The following OSBPL9 variants were observed in gnomAD, a reference collection of about 807,000 sequenced individuals.
OSBPL9 encodes the protein oxysterol binding protein like 9, also known as oxysterol-binding protein-related protein 9.
Under a neutral mutation model 106.6 loss-of-function variants are expected in OSBPL9, and 40 were observed. The ratio of observed to expected loss-of-function variants is 0.38; its 90% confidence interval spans 0.29 to 0.49. OSBPL9 has a LOEUF of 0.49. Among genes scored for constraint, OSBPL9 ranks in the 20% least tolerant of loss-of-function variants. OSBPL9 has a pLI of 0.97. For missense variants in OSBPL9, 609 were observed against 887.2 expected (o/e 0.69, Z 3.98); for synonymous variants, 269 against 295.4 (o/e 0.91, Z 0.92).
the OSBPL9 span, among the ~76,000 whole-genome samples, chr1:51,556,118 G>A: frequency 6.6e-6 from 1 of 151,904 alleles, no homozygotes; most frequent in Admixed American, 6.6e-5. Flanking sequence ...GTCCCTATAA[G>A]TAAAGTAGGG....
chr1:51,577,429 A>G (rs1438168926), intron 1 of OSBPL9, among the ~76,000 whole-genome samples: 1 of 143,742 alleles, frequency 7.0e-6, no homozygotes, highest in Non-Finnish European at 1.5e-5. Context: ...GCGTGCCACC[A>G]CGCCCGGCTA....
At chr1:51,734,104 T>C (rs991748733) in intron 4 of OSBPL9, among the ~76,000 whole-genome samples, 1 of 152,202 alleles carries the variant, frequency 6.6e-6, no homozygotes, top group Non-Finnish European at 1.5e-5. Context: ...AATATATGTG[T>C]CATGAATGAA....
chr1:51,546,485 C>G, the OSBPL9 span, among the ~76,000 whole-genome samples: 1 of 151,954 alleles, frequency 6.6e-6, no homozygotes, highest in Non-Finnish European at 1.5e-5. Context: ...ATCACGAGGT[C>G]AGGAGATCGA....
rs1192958280 is a variant in OSBPL9, at chr1:51,635,393, A to G, written c.112-16598A>G. ...GGAGGTCTCAGAAAAAGGTGTTTGC[A>G]CCTCGCTGTTACTCCACTAATGTAG... On this transcript the variant is annotated intron_variant, in intron 1 of 23. Transcript: ENST00000428468. Among the ~76,000 whole-genome samples the G allele has an allele frequency of 2.0e-5, 3 of 152,244 alleles. No homozygotes were observed. The East Asian group carries it at 5.8e-4, about 29-fold the overall frequency.
At chr1:51,682,316 C>A (rs1309930200) in intron 3 of OSBPL9, among the ~76,000 whole-genome samples, 1 of 152,134 alleles carries the variant, frequency 6.6e-6, no homozygotes, top group African/African-American at 2.4e-5. Flanking sequence ...CCTGCAGATA[C>A]AGAGGGCCAA....
At chr1:51,731,329 T>G (rs762275386) in intron 4 of OSBPL9, among the ~76,000 whole-genome samples, 6 of 152,008 alleles carry the variant, frequency 3.9e-5, no homozygotes, top group Non-Finnish European at 5.9e-5. Flanking sequence ...TGTGCACCTG[T>G]GTTCCCACCT....
chr1:51,668,314 C>T (rs1167598561), intron 2 of OSBPL9, among the ~76,000 whole-genome samples: 1 of 152,064 alleles, frequency 6.6e-6, no homozygotes, highest in East Asian at 1.9e-4. Flanking sequence ...TCACAGAATG[C>T]ATGTAGTTGA....
At chr1:51,550,811 GC>G in the OSBPL9 span, among the ~76,000 whole-genome samples, 1 of 152,096 alleles carries the variant, frequency 6.6e-6, no homozygotes, top group African/African-American at 2.4e-5. Flanking sequence ...ACTGTGCCTG[GC>G]CCCATACATT....
intron 4 of OSBPL9, among the ~76,000 whole-genome samples, chr1:51,740,762 A>G (rs764213637): frequency 1.1e-4 from 17 of 151,182 alleles, no homozygotes; most frequent in Admixed American, 3.9e-4. Flanking sequence ...TTCCTGTTCT[A>G]CCTTATTCTC....
At chr1:51,603,973 G>A (rs1397350743) in intron 2 of OSBPL9, among the ~76,000 whole-genome samples, 1 of 152,136 alleles carries the variant, frequency 6.6e-6, no homozygotes, top group East Asian at 1.9e-4. Context: ...TCCCAATGGA[G>A]GGGTGAGAAA....
chr1:51,711,792 C>G (rs1053068669), intron 3 of OSBPL9, among the ~76,000 whole-genome samples: 1 of 148,766 alleles, frequency 6.7e-6, no homozygotes, highest in South Asian at 2.1e-4. Context: ...GGGGCAGAGG[C>G]GCTCCCCACA....
chr1:51,783,354 T>TA (rs1676843564), intron 17 of OSBPL9, among the ~76,000 whole-genome samples: 2 of 146,528 alleles, frequency 1.4e-5, no homozygotes, highest in African/African-American at 4.9e-5. Context: ...TTCTTATTTT[T>TA]TTTTTTTTTT....
the OSBPL9 span, among the ~76,000 whole-genome samples, chr1:51,568,541 ATTTTCTTTTC>A: frequency 2.0e-5 from 3 of 151,956 alleles, no homozygotes; most frequent in Non-Finnish European, 1.5e-5. Context: ...ATTTAACATA[ATTTTCTTTTC>A]TTTTCTTTTT....
chr1:51,597,823 G>A (rs1645310666), intron 1 of OSBPL9, among the ~76,000 whole-genome samples: 1 of 152,148 alleles, frequency 6.6e-6, no homozygotes, highest in African/African-American at 2.4e-5. Flanking sequence ...TGTCAAAATT[G>A]CAATTCAACT....
intron 2 of OSBPL9, among the ~76,000 whole-genome samples, chr1:51,659,876 GAT>G (rs1647032551): frequency 1.3e-5 from 2 of 152,050 alleles, no homozygotes; most frequent in Admixed American, 1.3e-4. Flanking sequence ...AAAGGGGAGA[GAT>G]ATTTTTAAAG....
At chr1:51,596,670 T>C (rs1051367137) in intron 1 of OSBPL9, among the ~76,000 whole-genome samples, 4 of 150,108 alleles carry the variant, frequency 2.7e-5, no homozygotes, top group African/African-American at 9.9e-5. Context: ...ATCCCAGCTA[T>C]TCAGGAGGCT....
At chr1:51,652,988 G>A (rs1227226346) in intron 2 of OSBPL9, among the ~76,000 whole-genome samples, 1 of 151,964 alleles carries the variant, frequency 6.6e-6, no homozygotes, top group Non-Finnish European at 1.5e-5. Context: ...AATATATTTG[G>A]TAAACATATT....
At chr1:51,629,474 T>C (rs1644973377) in intron 1 of OSBPL9, among the ~76,000 whole-genome samples, 1 of 152,150 alleles carries the variant, frequency 6.6e-6, no homozygotes, top group South Asian at 2.1e-4. Context: ...GTGGATGTCA[T>C]AAAGTGGGCT....
intron 15 of OSBPL9, among the ~76,000 whole-genome samples, chr1:51,778,729 C>T (rs374061881): frequency 1.1e-4 from 16 of 152,134 alleles, no homozygotes; most frequent in African/African-American, 3.6e-4. Context: ...ACCACCTCCC[C>T]GCCCCCCCAA....
Sources: allele counts gnomAD v4.1 joint callset (sites outside exome capture counted in the v4.1 genomes callset), GRCh38; gene constraint gnomAD v4.1.1; transcripts MANE v1.5; gene names NCBI Gene and HGNC (gene_info 2026-07-23, HGNC 2026-07-21).